The following VCAN variants were observed in gnomAD, a reference collection of about 807,000 sequenced individuals.
VCAN encodes the protein versican.
In VCAN, 44 loss-of-function variants were observed where a neutral mutation model predicts 245.5. The observed-to-expected ratio is 0.18, with a 90% CI of 0.14 to 0.23. The LOEUF (loss-of-function observed/expected upper bound fraction) is 0.23. Ranked by LOEUF, VCAN falls within the 10% of genes least tolerant of loss-of-function variation. VCAN has a pLI of 1.00. For missense variants in VCAN, 3,793 were observed against 4,057.9 expected (o/e 0.93, Z 1.77); for synonymous variants, 1,413 against 1,437.0 (o/e 0.98, Z 0.38).
intron 7 of VCAN, among the ~76,000 whole-genome samples, chr5:83,524,473 G>GGATGT (rs1407408268): frequency 1.3e-5 from 2 of 151,942 alleles, no homozygotes; most frequent in African/African-American, 4.8e-5. Context: ...TACAACAAGG[G>GGATGT]GATGTATCTG....
intron 6 of VCAN, chr5:83,512,784 C>T (rs1047916782): frequency 6.6e-4 from 109 of 164,246 alleles, no homozygotes; most frequent in Non-Finnish European, 1.6e-4. Flanking sequence ...ATTTTGTCTT[C>T]GGTATCACTC....
At chr5:83,574,368 G>A (rs750356303) in intron 13 of VCAN, among the ~76,000 whole-genome samples, 18 of 152,068 alleles carry the variant, frequency 1.2e-4, no homozygotes, top group Non-Finnish European at 1.8e-4. Flanking sequence ...TTGCAACTTG[G>A]CACCCATATG....
At chr5:83,563,749 C>A (rs987660872) in intron 12 of VCAN, among the ~76,000 whole-genome samples, 1 of 152,028 alleles carries the variant, frequency 6.6e-6, no homozygotes, top group Non-Finnish European at 1.5e-5. Context: ...AAAGAGTTTG[C>A]GCACAAAGAA....
At chr5:83,570,646 G>A (rs780745571) in intron 12 of VCAN, among the ~76,000 whole-genome samples, 1 of 151,878 alleles carries the variant, frequency 6.6e-6, no homozygotes, top group South Asian at 2.1e-4. Context: ...GTTTTTTATT[G>A]TGCCAAGTAT....
chr5:83,540,556 G>A lies in VCAN; in HGVS notation c.7553G>A (p.Gly2518Asp). 1 of 1,613,904 alleles carries A rather than the reference G, an allele frequency of 6.2e-7. No individual in the cohort carries two copies. Among genetic ancestry groups the A allele is most frequent in the South Asian group, 1.1e-5 (1 of 91,066 alleles). Residue 2518 changes from glycine to aspartate, a missense_variant, in exon 8 of 15, where the codon GGT (glycine) becomes GAT (aspartate). This residue lies in a region of VCAN where 3,182 missense variants were observed against 3,250.3 expected (regional missense o/e 0.98). Transcript: ENST00000265077. ...NTVSYERSTD[G>D]SFQDRFREFE... The stretch of plus-strand genomic sequence containing the variant: ...GTGTCATATGAGAGGTCCACAGACG[G>A]TAGTTTCCAAGACCGTTTCAGGGAA...
intron 12 of VCAN, among the ~76,000 whole-genome samples, chr5:83,568,643 C>T (rs1748172635): frequency 6.6e-6 from 1 of 151,988 alleles, no homozygotes; most frequent in Admixed American, 6.6e-5. Flanking sequence ...ACTTTAGTAA[C>T]TTGCGGTGAT....
In VCAN at chr5:83,538,996, C is replaced by T. The variant is rs748494056; in HGVS notation, c.5993C>T (p.Ala1998Val). The change falls in exon 8 of 15, where the codon GCC (alanine) becomes GTC (valine). Residue 1998 changes from alanine (A) to valine (V), a missense_variant. Ala to Val is a moderately conservative substitution (Grantham distance 64). Coordinates refer to ENST00000265077, the MANE Select transcript of VCAN (RefSeq NM_004385.5). ...AGTAGCACCATGGTCAGCACTTCAG[C>T]CTTCCCCTGGGAAGAGTTTACATCC... is the stretch of plus-strand genomic sequence containing the variant. ...GPSSTMVSTS[A>V]FPWEEFTSSA... 2 of 1,613,992 alleles carry T rather than the reference C, an allele frequency of 1.2e-6. No homozygotes were observed. Among genetic ancestry groups the T allele is most frequent in the South Asian group, 2.2e-5 (2 of 91,086 alleles).
At chr5:83,553,288 T>C in intron 10 of VCAN, 76 bp from the exon 11 acceptor site, 1 of 1,584,368 alleles carries the variant, frequency 6.3e-7, no homozygotes, top group Non-Finnish European at 8.6e-7. Context: ...TTGGGTATCC[T>C]ACTAACACTT....
intron 12 of VCAN, among the ~76,000 whole-genome samples, chr5:83,558,415 C>T (rs921035197): frequency 6.6e-6 from 1 of 152,062 alleles, no homozygotes; most frequent in African/African-American, 2.4e-5. Context: ...CTCTTCCACA[C>T]CCTCTCTATC....
chr5:83,494,030 T>C, intron 5 of VCAN, 99 bp downstream of exon 5: 1 of 1,580,774 alleles, frequency 6.3e-7, no homozygotes, highest in Non-Finnish European at 8.7e-7. Flanking sequence ...CTTGTTTGGA[T>C]TCCAAACGGT....
intron 1 of VCAN, among the ~76,000 whole-genome samples, chr5:83,476,315 T>G (rs1744389045): frequency 6.6e-6 from 1 of 152,228 alleles, no homozygotes; most frequent in Non-Finnish European, 1.5e-5. Flanking sequence ...CGGTAAACAC[T>G]GTATTTAAAA....
At chr5:83,533,370 T>C (rs1326706171) in intron 7 of VCAN, among the ~76,000 whole-genome samples, 1 of 152,102 alleles carries the variant, frequency 6.6e-6, no homozygotes. Context: ...AAGAGTTTAG[T>C]AAGGCCAGTT....
At chr5:83,503,663 G>A (rs1745399461) in intron 5 of VCAN, among the ~76,000 whole-genome samples, 2 of 152,206 alleles carry the variant, frequency 1.3e-5, no homozygotes, top group Non-Finnish European at 2.9e-5. Flanking sequence ...ACATAATCAT[G>A]TATCACATCA....
intron 7 of VCAN, among the ~76,000 whole-genome samples, chr5:83,524,876 C>G (rs751681117): frequency 3.9e-5 from 6 of 151,994 alleles, no homozygotes; most frequent in Admixed American, 1.3e-4. Flanking sequence ...CACAATTTTC[C>G]AGACTGGAAA....
chr5:83,498,262 T>C (rs888197977), intron 5 of VCAN, among the ~76,000 whole-genome samples: 1 of 152,202 alleles, frequency 6.6e-6, no homozygotes, highest in Non-Finnish European at 1.5e-5. Context: ...AATGTATGAC[T>C]ATAATTACCC....
intron 10 of VCAN, among the ~76,000 whole-genome samples, chr5:83,552,802 G>T (rs1300900276): frequency 1.3e-5 from 2 of 152,042 alleles, no homozygotes; most frequent in Admixed American, 1.3e-4. Context: ...AAGGCATACA[G>T]TTCTAGCTGT....
chr5:83,505,429 A>G (rs890194009), intron 5 of VCAN, among the ~76,000 whole-genome samples: 32 of 152,184 alleles, frequency 2.1e-4, no homozygotes, highest in Non-Finnish European at 4.4e-5. Flanking sequence ...TCCAAAATCC[A>G]GTGGAGCAGC....
intron 5 of VCAN, among the ~76,000 whole-genome samples, chr5:83,507,741 CT>C (rs1380367433): frequency 6.6e-6 from 1 of 152,192 alleles, no homozygotes; most frequent in Non-Finnish European, 1.5e-5. Context: ...CTGGCCCAGA[CT>C]TCATTTCTAT....
rs73148618 is a variant in VCAN at position 83,529,117 on chromosome 5, T to A, written c.4003+6808T>A. On this transcript the variant is annotated intron_variant, in intron 7 of 14. Coordinates refer to ENST00000265077, the MANE Select transcript of VCAN (RefSeq NM_004385.5). ...AAATAATTACAATATACTAACTACATTAGAACTGGATTTTTTTGAAGTACA... is the reference window on the plus strand; with the variant it reads ...AAATAATTACAATATACTAACTACAATAGAACTGGATTTTTTTGAAGTACA... 3.8e-3 allele frequency among the ~76,000 whole-genome samples: 582 copies of A among 151,630 alleles called. 6 individuals carry two copies. The highest frequency in any genetic ancestry group is 0.014 in the African/African-American group (561 of 41,354).
Sources: allele counts gnomAD v4.1 joint callset (sites outside exome capture counted in the v4.1 genomes callset), GRCh38; gene constraint gnomAD v4.1.1; regional missense constraint gnomAD v4.1.1; transcripts MANE v1.5; gene names NCBI Gene and HGNC (gene_info 2026-07-23, HGNC 2026-07-21).